FAM193A: variants seen among roughly 807,000 people sequenced by gnomAD.
FAM193A encodes the protein protein FAM193A.
In FAM193A, 22 loss-of-function variants were observed where a neutral mutation model predicts 126.5. The observed-to-expected ratio is 0.17, with a 90% confidence interval of 0.12 to 0.25. FAM193A has a LOEUF of 0.25. FAM193A is among the 10% of genes least tolerant of loss of function. FAM193A has a pLI of 1.00. For missense variants in FAM193A, 1,675 were observed against 1,672.8 expected (o/e 1.00, Z -0.02); for synonymous variants, 761 against 646.8 (o/e 1.18, Z -2.68).
Position 2,631,039 on chromosome 4 carries a change from C to T in FAM193A, c.908C>T (p.Ala303Val), listed in dbSNP as rs138840649. The change falls in exon 5 of 21, where the codon GCG (alanine) becomes GTG (valine). Residue 303 changes from alanine to valine, a missense_variant. Physicochemically the swap from Ala to Val is moderately conservative, Grantham distance 64. Around this residue, in one of 4 missense-constraint regions of FAM193A, gnomAD observed 1,186 missense variants for 1,109.2 expected, o/e 1.07. Transcript: ENST00000637812. ...CGCCTGCTCCGGCAGCTGTCGGCTG[C>T]GGCCAAGGTGAAGGCACCATCTGGC... ...KVRLLRQLSA[A>V]AKVKAPSGLQ... 1,395 of 1,613,476 alleles carry T rather than the reference C, an allele frequency of 8.6e-4. 35 individuals carry two copies. The East Asian group carries it at 0.031, about 35-fold the overall frequency.
intron 19 of FAM193A, 67 bp downstream of exon 19, chr4:2,700,611 A>T: frequency 6.5e-7 from 1 of 1,542,344 alleles, no homozygotes; most frequent in Non-Finnish European, 8.7e-7. Flanking sequence ...ATGTGCTAGT[A>T]TAGGAAAACA....
intron 2 of FAM193A, among the ~76,000 whole-genome samples, chr4:2,613,007 G>T (rs1356220649): frequency 6.6e-6 from 1 of 152,198 alleles, no homozygotes; most frequent in Non-Finnish European, 1.5e-5. Context: ...TCAGTTTGGG[G>T]GAGAATTGAA....
At chr4:2,536,308 G>C (rs1010920033), upstream of FAM193A, among the ~76,000 whole-genome samples, 4 of 151,692 alleles carry the variant, frequency 2.6e-5, no homozygotes, top group Non-Finnish European at 5.9e-5. Flanking sequence ...AAGGCCGCGC[G>C]GCGCGGGCGG....
intron 1 of FAM193A, among the ~76,000 whole-genome samples, chr4:2,552,484 C>T (rs569289173): frequency 6.6e-6 from 1 of 151,800 alleles, no homozygotes; most frequent in South Asian, 2.1e-4. Flanking sequence ...CTATAAACGT[C>T]TCTCTGAGCC....
intron 1 of FAM193A, among the ~76,000 whole-genome samples, chr4:2,591,161 C>T (rs1005700626): frequency 5.3e-5 from 8 of 151,970 alleles, no homozygotes; most frequent in African/African-American, 1.7e-4. Context: ...AGGGATGCCT[C>T]GCAGTTGTCT....
At chr4:2,630,736 C>G (rs1743479002) in intron 4 of FAM193A, among the ~76,000 whole-genome samples, 199 bp from the exon 5 acceptor site, 1 of 152,214 alleles carries the variant, frequency 6.6e-6, no homozygotes, top group Non-Finnish European at 1.5e-5. Flanking sequence ...CTTGCTGTTC[C>G]CTAGTGACAC....
chr4:2,730,616 G>A (rs1175002619), intron 20 of FAM193A, among the ~76,000 whole-genome samples: 1 of 152,028 alleles, frequency 6.6e-6, no homozygotes, highest in Non-Finnish European at 1.5e-5. Context: ...CATGAACCTG[G>A]GAGGCGAAGG....
chr4:2,695,280 A>T (rs771584182), intron 17 of FAM193A, 151 bp downstream of exon 17: 16 of 616,248 alleles, frequency 2.6e-5, no homozygotes, highest in Non-Finnish European at 4.1e-5. Context: ...ATGCCCAAAG[A>T]TTTAGCCATA....
At chr4:2,653,814 G>T (rs928621646) in intron 7 of FAM193A, among the ~76,000 whole-genome samples, 3 of 152,164 alleles carry the variant, frequency 2.0e-5, no homozygotes, top group African/African-American at 7.2e-5. Flanking sequence ...TACAATTGAG[G>T]GAAATTGAGC....
rs368956480 is a variant in FAM193A, at chr4:2,659,911, A to G, written c.1602A>G (p.Gln534=). The G allele has an allele frequency of 3.7e-6, 6 of 1,614,008 alleles. No homozygotes were observed. In the Admixed American group the frequency reaches 5.0e-5, roughly 13 times the overall value. ...TCCACATTCACCAGCTCCCACTTCAAGTGGATCCTGCTCCTGACTATCTTG... is the reference window on the plus strand; with the variant it reads ...TCCACATTCACCAGCTCCCACTTCAGGTGGATCCTGCTCCTGACTATCTTG... ...DDIHIHQLPL[Q]VDPAPDYLAE... The change falls in exon 10 of 21, where the codon CAA becomes CAG. Residue 534 remains glutamine (Q), a synonymous_variant. Coordinates refer to ENST00000637812, the MANE Select transcript of FAM193A (RefSeq NM_001366318.2).
rs183939126 is a variant in FAM193A, at chr4:2,731,732, G to C, written c.4455-43G>C. On this transcript the variant is annotated intron_variant, in intron 20 of 20. Coordinates refer to ENST00000637812, the MANE Select transcript of FAM193A (RefSeq NM_001366318.2). The stretch of plus-strand genomic sequence containing the variant: ...CTTTGCCAAGCACCAGCTTGGTTGT[G>C]GGCTGTTTCCTTCAGTGACTGTTTG... The C allele has an allele frequency of 8.8e-6, 13 of 1,484,224 alleles. No individual in the cohort carries two copies. The Admixed American group carries it at 1.2e-4, about 13-fold the overall frequency. The allele number at this position is 1,484,224 out of a possible 1,614,324, so 91.9% of individuals were successfully genotyped here.
At chr4:2,554,162 G>C (rs993541011) in intron 1 of FAM193A, among the ~76,000 whole-genome samples, 1 of 152,076 alleles carries the variant, frequency 6.6e-6, no homozygotes, top group African/African-American at 2.4e-5. Context: ...TCGGCTCACT[G>C]CAACCTCTGC....
intron 18 of FAM193A, 80 bp from the exon 19 acceptor site, chr4:2,699,600 G>T: frequency 2.8e-6 from 4 of 1,422,002 alleles, no homozygotes; most frequent in Non-Finnish European, 3.8e-6. Flanking sequence ...ATTCGTTTTT[G>T]AAATTATCTT....
chr4:2,693,705 G>C lies in FAM193A; in HGVS notation c.2923G>C (p.Ala975Pro), dbSNP rs1463285745. The C allele has an allele frequency of 1.2e-6, 2 of 1,614,094 alleles. No individual in the cohort carries two copies. Among genetic ancestry groups the C allele is most frequent in the Admixed American group, 1.7e-5 (1 of 60,016 alleles). Residue 975 changes from alanine to proline, a missense_variant, in exon 16 of 21, where the codon GCT (alanine) becomes CCT (proline). By Grantham distance (27) the Ala-to-Pro change is conservative. Coordinates refer to ENST00000637812, the MANE Select transcript of FAM193A (RefSeq NM_001366318.2). ...GCTCTCGCCTGCTGCGCTGTCACCT[G>C]CTGCGCTCTCACCTGCCTCCACACC... ...PALSPAALSP[A>P]ALSPASTPHL...
intron 20 of FAM193A, among the ~76,000 whole-genome samples, chr4:2,725,917 G>T (rs1720692939): frequency 1.3e-5 from 2 of 151,182 alleles, no homozygotes; most frequent in African/African-American, 2.4e-5. Flanking sequence ...ATTATTTTTT[G>T]AGATGGAGTC....
At chr4:2,674,934 A>C (rs1315687909) in intron 13 of FAM193A, among the ~76,000 whole-genome samples, 1 of 152,090 alleles carries the variant, frequency 6.6e-6, no homozygotes, top group Non-Finnish European at 1.5e-5. Context: ...TTATATATGG[A>C]GTATAAGTTA....
At chr4:2,558,157 A>G (rs1267351696) in intron 1 of FAM193A, among the ~76,000 whole-genome samples, 1 of 151,980 alleles carries the variant, frequency 6.6e-6, no homozygotes, top group African/African-American at 2.4e-5. Flanking sequence ...CTGTAATCTT[A>G]GCTACTGGGA....
intron 1 of FAM193A, among the ~76,000 whole-genome samples, chr4:2,565,130 T>G (rs966166956): frequency 2.0e-5 from 3 of 150,832 alleles, no homozygotes; most frequent in African/African-American, 7.3e-5. Context: ...TGTTAGCCTG[T>G]TTTTTTTTGA....
intron 7 of FAM193A, among the ~76,000 whole-genome samples, chr4:2,652,617 C>T (rs1411848615): frequency 2.0e-5 from 3 of 152,224 alleles, no homozygotes; most frequent in African/African-American, 7.2e-5. Context: ...TCTGAGCACT[C>T]GCTATCACGA....
Sources: gnomAD v4.1 joint callset for allele counts (sites outside exome capture counted in the v4.1 genomes callset) on GRCh38, gnomAD v4.1.1 for gene constraint, gnomAD v4.1.1 regional missense constraint, MANE v1.5 for transcripts, NCBI Gene and HGNC (gene_info 2026-07-23, HGNC 2026-07-21) for gene names.